Variants in ALK observed in about 807,000 individuals in gnomAD.
ALK encodes the protein ALK tyrosine kinase receptor.
Under a neutral mutation model 163.1 loss-of-function variants are expected in ALK, and 74 were observed. The observed-to-expected ratio is 0.45, with a 90% CI of 0.38 to 0.55. ALK has a LOEUF of 0.55. Ranked by LOEUF, ALK falls within the 20% of genes least tolerant of loss-of-function variation. The pLI is 0.00. For missense variants in ALK, 2,063 were observed against 2,105.3 expected, an observed-to-expected ratio of 0.98 and a Z score of 0.39; for synonymous variants, 960 against 843.2, an observed-to-expected ratio of 1.14 and a Z score of -2.40.
chr2:29,611,109 A>G (rs1281644988), intron 3 of ALK, among the ~76,000 whole-genome samples: 5 of 152,192 alleles, frequency 3.3e-5, no homozygotes, highest in South Asian at 2.1e-4. Flanking sequence ...ATCAGACCAA[A>G]TGTGATACCC....
At chr2:29,655,001 G>C (rs1462503156) in intron 3 of ALK, among the ~76,000 whole-genome samples, 1 of 152,084 alleles carries the variant, frequency 6.6e-6, no homozygotes, top group Non-Finnish European at 1.5e-5. Context: ...AAGTTCTTTT[G>C]TTCTACCAAC....
chr2:29,671,124 G>C (rs1677672848), intron 3 of ALK, among the ~76,000 whole-genome samples: 1 of 151,784 alleles, frequency 6.6e-6, no homozygotes, highest in African/African-American at 2.4e-5. Flanking sequence ...TCTCTCTCTG[G>C]CCTGTTTTGT....
chr2:29,796,390 C>G (rs954066204), intron 1 of ALK, among the ~76,000 whole-genome samples: 18 of 151,978 alleles, frequency 1.2e-4, no homozygotes, highest in Admixed American at 3.3e-4. Flanking sequence ...ATTAAAAGAC[C>G]AAAAAAGCTC....
intron 2 of ALK, among the ~76,000 whole-genome samples, chr2:29,716,528 T>C (rs773001738): frequency 3.9e-5 from 6 of 152,114 alleles, no homozygotes; most frequent in Non-Finnish European, 7.4e-5. Context: ...AGGAGGAATC[T>C]TATACCATGT....
chr2:29,716,531 T>A (rs1573578902), intron 2 of ALK, among the ~76,000 whole-genome samples: 1 of 152,226 alleles, frequency 6.6e-6, no homozygotes, highest in South Asian at 2.1e-4. Flanking sequence ...AGGAATCTTA[T>A]ACCATGTAAA....
At chr2:29,779,630 C>G (rs370300140) in intron 1 of ALK, among the ~76,000 whole-genome samples, 47 of 152,298 alleles carry the variant, frequency 3.1e-4, no homozygotes, top group African/African-American at 1.1e-3. Flanking sequence ...AGAAGCTCCC[C>G]AAGGAAGCCA....
intron 3 of ALK, among the ~76,000 whole-genome samples, chr2:29,662,126 G>A (rs1387186327): frequency 6.6e-6 from 1 of 152,096 alleles, no homozygotes; most frequent in Non-Finnish European, 1.5e-5. Flanking sequence ...TGCCCAGACT[G>A]GTTTTGAACT....
rs114346809 is a variant in ALK at position 29,425,121 on chromosome 2, C to T, written c.1155-41262G>A. On this transcript the variant is annotated intron_variant, in intron 4 of 28. Transcript: ENST00000389048. ...AAAAATTATTTTTTAGAAACACAAT[C>T]ACTTAAAGTCTTTGGAAATTGTCCC... 5.5e-3 allele frequency among the ~76,000 whole-genome samples: 840 copies of T among 152,202 alleles called. 6 individuals are homozygous for T. The highest frequency in any genetic ancestry group is 7.0e-3 in the Non-Finnish European group (477 of 68,008).
intron 1 of ALK, among the ~76,000 whole-genome samples, chr2:29,725,972 G>C (rs1679560503): frequency 6.6e-6 from 1 of 152,152 alleles, no homozygotes; most frequent in Non-Finnish European, 1.5e-5. Context: ...TCATCCATGA[G>C]CGTCACAATG....
intron 1 of ALK, among the ~76,000 whole-genome samples, chr2:29,838,577 A>G (rs1416371971): frequency 6.6e-6 from 1 of 152,204 alleles, no homozygotes; most frequent in Non-Finnish European, 1.5e-5. Context: ...ACAATAGAAT[A>G]CTATAAATAA....
chr2:29,333,558 TG>T (rs1276325089), intron 5 of ALK, among the ~76,000 whole-genome samples: 1 of 152,218 alleles, frequency 6.6e-6, no homozygotes, highest in Non-Finnish European at 1.5e-5. Flanking sequence ...ATCATATGCG[TG>T]ACAATTTTTC....
intron 2 of ALK, among the ~76,000 whole-genome samples, chr2:29,709,678 C>T (rs900032941): frequency 5.3e-5 from 8 of 152,130 alleles, no homozygotes; most frequent in Admixed American, 1.3e-4. Context: ...GTGAGGTCCA[C>T]CACCTCCCAG....
chr2:29,749,783 A>G (rs370166158), intron 1 of ALK, among the ~76,000 whole-genome samples: 1 of 152,226 alleles, frequency 6.6e-6, no homozygotes, highest in Non-Finnish European at 1.5e-5. Flanking sequence ...TGGAAACTAG[A>G]GAGACACTTG....
At chr2:29,827,696 G>A (rs1230421145) in intron 1 of ALK, among the ~76,000 whole-genome samples, 2 of 152,138 alleles carry the variant, frequency 1.3e-5, no homozygotes, top group Non-Finnish European at 2.9e-5. Flanking sequence ...AACATTCCAC[G>A]CTCATGGGTA....
At chr2:29,830,988 GAAGAAGAAGAAGAA>G (rs1558508370) in intron 1 of ALK, among the ~76,000 whole-genome samples, 8 of 51,986 alleles carry the variant, frequency 1.5e-4, no homozygotes, top group Admixed American at 3.7e-4. Flanking sequence ...AGAAGAAGAA[GAAGAAGAAGAAGAA>G]GAAGAAGAAG....
intron 2 of ALK, among the ~76,000 whole-genome samples, chr2:29,698,441 A>C (rs1002302111): frequency 2.6e-4 from 40 of 152,242 alleles, no homozygotes; most frequent in Non-Finnish European, 4.3e-4. Context: ...GAAAGCCACC[A>C]GCCACTCCCA....
At chr2:29,243,390 T>C (rs1664574240) in intron 12 of ALK, among the ~76,000 whole-genome samples, 1 of 152,218 alleles carries the variant, frequency 6.6e-6, no homozygotes, top group Non-Finnish European at 1.5e-5. Flanking sequence ...GGGATAATAA[T>C]ACCTACCTTG....
chr2:29,596,032 A>G (rs1028765139), intron 3 of ALK, among the ~76,000 whole-genome samples: 1 of 152,230 alleles, frequency 6.6e-6, no homozygotes, highest in African/African-American at 2.4e-5. Context: ...CTTAGATCCC[A>G]GGAGCCCAGA....
Position 29,499,484 on chromosome 2 carries a change from C to A in ALK, c.1154+32431G>T, listed in dbSNP as rs567059172. On this transcript the variant is annotated intron_variant, in intron 4 of 28. Transcript: ENST00000389048. ...GTGTTGGGATTACAGGTATGAGCCA[C>A]TGCACCCGGCTCCTAGGGTCTTCTA... Among the ~76,000 whole-genome samples, 5 of 152,316 alleles carry A rather than the reference C, an allele frequency of 3.3e-5. No homozygotes were observed. In the South Asian group the frequency reaches 1.0e-3, roughly 32 times the overall value.
Sources: gnomAD v4.1 joint callset for allele counts (sites outside exome capture counted in the v4.1 genomes callset) on GRCh38, gnomAD v4.1.1 for gene constraint, MANE v1.5 for transcripts, NCBI Gene and HGNC (gene_info 2026-07-23, HGNC 2026-07-21) for gene names.